The following METTL26 variants were observed in gnomAD, a reference collection of about 807,000 sequenced individuals.
The protein encoded by METTL26 is methyltransferase-like 26.
A neutral mutation model predicts 24.7 loss-of-function variants in METTL26; 28 were observed. That is an observed-to-expected ratio of 1.13 (90% CI 0.84 to 1.55). The LOEUF (loss-of-function observed/expected upper bound fraction) is 1.55. Among genes scored for constraint, METTL26 ranks in the 40% most tolerant of loss-of-function variants. The pLI is 0.00. For missense variants in METTL26, 344 were observed against 281.2 expected (o/e 1.22, Z -1.60); for synonymous variants, 165 against 125.2 (o/e 1.32, Z -2.12).
At position 634,712 on chromosome 16, in the gene METTL26, C is replaced by T. The variant is rs753449471; in HGVS notation, c.567+7G>A. The T allele has an allele frequency of 6.2e-6, 10 of 1,612,764 alleles. No homozygotes were observed. The Admixed American group carries it at 6.7e-5, about 11-fold the overall frequency. On this transcript the variant is annotated splice_region_variant and intron_variant, in intron 5 of 5. Coordinates refer to ENST00000301686, the MANE Select transcript of METTL26 (RefSeq NM_032366.5). The stretch of plus-strand genomic sequence containing the variant: ...GAGGTTGCCTGGGCCCCCGCTCCCC[C>T]ACCTACCATCCTCTCCAGGAGCAGG...
At chr16:635,558 C>G in intron 2 of METTL26, 54 bp downstream of exon 2, 1 of 1,543,048 alleles carries the variant, frequency 6.5e-7, no homozygotes, top group South Asian at 1.2e-5. Flanking sequence ...CCAGCTGCCC[C>G]CATGCAGGGT....
At chr16:635,388 G>A (rs1260079092) in intron 2 of METTL26, 48 bp from the exon 3 acceptor site, 1 of 1,475,518 alleles carries the variant, frequency 6.8e-7, no homozygotes, top group East Asian at 2.7e-5. Context: ...CCCAACAGAA[G>A]CCAGGCCCTG....
In METTL26 at chr16:634,601, T is replaced by G. The variant is rs775503262; in HGVS notation, c.611A>C (p.Asn204Thr). ...GTGCGGGGGTGAAGGAGGGGCTTAGTTTTTCCGGAAGATCAGGCATTTGTT... is the reference window on the plus strand; with the variant it reads ...GTGCGGGGGTGAAGGAGGGGCTTAGGTTTTCCGGAAGATCAGGCATTTGTT... ...ANNKCLIFRK[N>T] Residue 204 changes from asparagine to threonine, a missense_variant, in exon 6 of 6, where the codon AAC becomes ACC. By Grantham distance (65) the Asn-to-Thr change is moderately conservative. Transcript: ENST00000301686. 2.5e-6 allele frequency: 4 copies of G among 1,613,280 alleles called. 1 individual carries two copies. The South Asian group carries it at 4.4e-5, about 18-fold the overall frequency.
In METTL26 at chr16:634,741, C is replaced by T; in HGVS notation, c.545G>A (p.Ser182Asn). 1 of 1,612,804 alleles carries T rather than the reference C, an allele frequency of 6.2e-7. No individual in the cohort carries two copies. The highest frequency in any genetic ancestry group is 8.5e-7 in the Non-Finnish European group (1 of 1,179,918). ...TALLEDLGKA[S>N]GLLLERMVDM... ...TACCATCCTCTCCAGGAGCAGGCCA[C>T]TGGCCTTTCCCAGGTCCTCCAGGAG... The change falls in exon 5 of 6, where the codon AGT becomes AAT. Residue 182 changes from serine to asparagine, a missense_variant. Transcript: ENST00000301686.
Position 636,109 on chromosome 16 carries a change from T to G in METTL26, c.182A>C (p.Gln61Pro). ...GGGGCCGCACCTGTCCAGGCAGCGC[T>G]GGTCCACGTCCGACGGCTGCCACTC... ...LAEWQPSDVDQRCLDSIAATT... is the reference protein window; with the variant it reads ...LAEWQPSDVDPRCLDSIAATT... The change falls in exon 1 of 6, where the codon CAG becomes CCG. Residue 61 changes from glutamine (Q) to proline (P), a missense_variant. Coordinates refer to ENST00000301686, the MANE Select transcript of METTL26 (RefSeq NM_032366.5). 7.1e-7 allele frequency: 1 copy of G among 1,406,404 alleles called. No individual in the cohort carries two copies. Among genetic ancestry groups the G allele is most frequent in the Non-Finnish European group, 9.2e-7 (1 of 1,087,924 alleles). 87.1% of individuals were successfully genotyped at this position (1,406,404 alleles called of 1,614,324 possible). A position where few individuals can be genotyped will look rare whatever the true frequency, so the allele number is the denominator to read the frequency against.
intron 3 of METTL26, 106 bp from the exon 4 acceptor site, chr16:635,062 C>G: frequency 1.3e-6 from 2 of 1,526,376 alleles, no homozygotes; most frequent in Non-Finnish European, 1.8e-6. Context: ...GGCACCCCCT[C>G]CCTGTCCCCA....
At chr16:635,212 C>T in intron 3 of METTL26, 69 bp downstream of exon 3, 1 of 1,506,666 alleles carries the variant, frequency 6.6e-7, no homozygotes, top group Non-Finnish European at 9.0e-7. Flanking sequence ...GGAGGGAGGA[C>T]TCTCAGCAGG....
rs753941985 is a variant in METTL26 at position 634,543 on chromosome 16, G to T, written c.*54C>A. ...GGTCCGGCCTAGGGAGGCAGGGTTC[G>T]TGCCTCACAGAGCCTCCGGCAGGGA... On this transcript the variant is annotated 3_prime_UTR_variant, in exon 6 of 6. Coordinates refer to ENST00000301686, the MANE Select transcript of METTL26 (RefSeq NM_032366.5). 2.5e-6 allele frequency: 4 copies of T among 1,612,802 alleles called. No homozygotes were observed. The highest frequency in any genetic ancestry group is 1.7e-5 in the Admixed American group (1 of 60,002).
At chr16:635,148 A>C in intron 3 of METTL26, 133 bp downstream of exon 3, 2 of 1,476,412 alleles carry the variant, frequency 1.4e-6, no homozygotes, top group Non-Finnish European at 1.8e-6. Context: ...AGGGGTACAG[A>C]CTGGAAGTGG....
In METTL26 at chr16:634,743, G is replaced by T. The variant is rs778444371; in HGVS notation, c.543C>A (p.Ala181=). 1 of 1,612,792 alleles carries T rather than the reference G, an allele frequency of 6.2e-7. No individual in the cohort carries two copies. The highest frequency in any genetic ancestry group is 1.3e-5 in the African/African-American group (1 of 75,056). ...CCATCCTCTCCAGGAGCAGGCCACT[G>T]GCCTTTCCCAGGTCCTCCAGGAGGG... ...DTALLEDLGK[A]SGLLLERMVD... Residue 181 remains alanine (A), a synonymous_variant, in exon 5 of 6, where the codon GCC becomes GCA. Transcript: ENST00000301686.
At position 635,301 on chromosome 16, in the gene METTL26, C is replaced by T; in HGVS notation, c.400G>A (p.Ala134Thr). The T allele has an allele frequency of 6.3e-7, 1 of 1,597,578 alleles. No individual in the cohort carries two copies. Among genetic ancestry groups the T allele is most frequent in the Non-Finnish European group, 8.5e-7 (1 of 1,172,214 alleles). The change falls in exon 3 of 6, where the codon GCC becomes ACC. Residue 134 changes from alanine (A) to threonine (T), a missense_variant. Coordinates refer to ENST00000301686, the MANE Select transcript of METTL26 (RefSeq NM_032366.5). ...RAAGHLLKPR[A>T]LLITYGPYAI... is the part of the protein sequence containing the mutation. ...CTCACCCCGTAGGTGATGAGCAGGG[C>T]CCTGGGTTTGAGCAGGTGTCCTGCT...
intron 1 of METTL26, 150 bp downstream of exon 1, chr16:635,944 C>T: frequency 7.5e-7 from 1 of 1,340,066 alleles, no homozygotes. Context: ...GGGGGCCGCA[C>T]AGCTAGGGCC....
intron 3 of METTL26, 93 bp downstream of exon 3, chr16:635,188 G>A: frequency 6.7e-7 from 1 of 1,483,410 alleles, no homozygotes; most frequent in Non-Finnish European, 9.1e-7. Flanking sequence ...GCTGGGCGGG[G>A]GGCAGGGAGC....
Position 635,975 on chromosome 16 carries a change from G to A in METTL26, c.197+119C>T, listed in dbSNP as rs1045015959. The stretch of plus-strand genomic sequence containing the variant: ...GGGCCTGCCCCGGGGGCACCCCCAG[G>A]CTCCCACCCCGCACCCTCAGAGCCC... On this transcript the variant is annotated intron_variant, in intron 1 of 5. Transcript: ENST00000301686. The A allele has an allele frequency of 1.1e-5, 15 of 1,378,116 alleles. No homozygotes were observed. In the African/African-American group the frequency reaches 1.8e-4, roughly 16 times the overall value. The allele number at this position is 1,378,116 out of a possible 1,614,324, so 85.4% of individuals were successfully genotyped here. A position where few individuals can be genotyped will look rare whatever the true frequency, so the allele number is the denominator to read the frequency against.
rs1334776912 is a variant in METTL26, at chr16:636,221, G to A, written c.70C>T (p.Pro24Ser). 46 of 1,491,860 alleles carry A rather than the reference G, an allele frequency of 3.1e-5. No individual in the cohort carries two copies. Among genetic ancestry groups the A allele is most frequent in the Non-Finnish European group, 4.0e-5 (45 of 1,127,230 alleles). 92.4% of individuals were successfully genotyped at this position (1,491,860 alleles called of 1,614,324 possible). ...AGGACGCGGACGCCACGCTGGGCCGGATCCAGGTACTGCCGCAGCACGTGC... is the reference window on the plus strand; with the variant it reads ...AGGACGCGGACGCCACGCTGGGCCGAATCCAGGTACTGCCGCAGCACGTGC... ...ILHVLRQYLD[P>S]AQRGVRVLEV... Residue 24 changes from proline to serine, a missense_variant, in exon 1 of 6, where the codon CCG becomes TCG. Transcript: ENST00000301686.
Position 634,591 on chromosome 16 carries a change from A to G in METTL26, c.*6T>C, listed in dbSNP as rs140632002. ...GGATGCAGGTGTGCGGGGGTGAAGG[A>G]GGGGCTTAGTTTTTCCGGAAGATCA... On this transcript the variant is annotated 3_prime_UTR_variant, in exon 6 of 6. Transcript: ENST00000301686. 7.5e-5 allele frequency: 121 copies of G among 1,613,110 alleles called. No individual in the cohort carries two copies. The highest frequency in any genetic ancestry group is 1.0e-4 in the Non-Finnish European group (119 of 1,179,966).
chr16:636,299 CAACA>C lies in METTL26; in HGVS notation c.-13_-10del. On this transcript the variant is annotated 5_prime_UTR_variant, in exon 1 of 6. Coordinates refer to ENST00000301686, the MANE Select transcript of METTL26 (RefSeq NM_032366.5). ...GCCGCCGCCACCAGCATCGCGGCAGCAACAACTCCCCGCCGCGGACGCGGCGCGG... is the reference window on the plus strand; with the variant it reads ...GCCGCCGCCACCAGCATCGCGGCAGCACTCCCCGCCGCGGACGCGGCGCGG... 1 of 1,420,734 alleles carries C rather than the reference CAACA, an allele frequency of 7.0e-7. No homozygotes were observed. Among genetic ancestry groups the C allele is most frequent in the Non-Finnish European group, 9.1e-7 (1 of 1,096,334 alleles). 88.0% of individuals were successfully genotyped at this position (1,420,734 alleles called of 1,614,324 possible).
At position 635,678 on chromosome 16, in the gene METTL26, C is replaced by T. The variant is rs746609628; in HGVS notation, c.294G>A (p.Leu98=). The change falls in exon 2 of 6, where the codon CTG becomes CTA. Residue 98 remains leucine (L), a synonymous_variant. Coordinates refer to ENST00000301686, the MANE Select transcript of METTL26 (RefSeq NM_032366.5). ...AGAGCAACAGGTCCAGCGACTGTGGCAGGATCCCGCCCCAGTGCTCCCAGC... is the reference window on the plus strand; with the variant it reads ...AGAGCAACAGGTCCAGCGACTGTGGTAGGATCCCGCCCCAGTGCTCCCAGC... ...TWGWEHWGGI[L]PQSLDLLLCI... 37 of 1,556,274 alleles carry T rather than the reference C, an allele frequency of 2.4e-5. No homozygotes were observed. The African/African-American group carries it at 4.8e-4, about 20-fold the overall frequency.
In METTL26 at chr16:636,097, T is replaced by A; in HGVS notation, c.194A>T (p.Asp65Val). The A allele has an allele frequency of 2.1e-6, 3 of 1,406,534 alleles. No homozygotes were observed. The highest frequency in any genetic ancestry group is 2.8e-6 in the Non-Finnish European group (3 of 1,087,910). 87.1% of individuals were successfully genotyped at this position (1,406,534 alleles called of 1,614,324 possible). A position where few individuals can be genotyped will look rare whatever the true frequency, so the allele number is the denominator to read the frequency against. ...QPSDVDQRCL[D>V]SIAATTQAQG... ...GTGGCCGCCCCGGGGGCCGCACCTG[T>A]CCAGGCAGCGCTGGTCCACGTCCGA... The change falls in exon 1 of 6, where the codon GAC becomes GTC. Residue 65 changes from aspartate (D) to valine (V), a missense_variant. Physicochemically the swap from Asp to Val is radical, Grantham distance 152. Transcript: ENST00000301686.
Sources: gnomAD v4.1 joint callset for allele counts on GRCh38, gnomAD v4.1.1 for gene constraint, MANE v1.5 for transcripts, NCBI Gene and HGNC (gene_info 2026-07-23, HGNC 2026-07-21) for gene names.